EPHA5: variants seen among roughly 807,000 people sequenced by gnomAD.
The protein encoded by EPHA5 is ephrin type-A receptor 5.
EPHA5 carries 60 observed loss-of-function variants against 105.0 expected under a neutral mutation model. The observed-to-expected ratio is 0.57, with a 90% CI of 0.46 to 0.71. EPHA5 has a LOEUF of 0.71. Ranked by LOEUF, EPHA5 falls within the 30% of genes least tolerant of loss-of-function variation. EPHA5 has a pLI of 0.00. For missense variants in EPHA5, 1,218 were observed against 1,274.7 expected, an observed-to-expected ratio of 0.96 and a Z score of 0.68; for synonymous variants, 513 against 449.1, an observed-to-expected ratio of 1.14 and a Z score of -1.80.
At chr4:65,592,893 C>T (rs957455309) in intron 3 of EPHA5, among the ~76,000 whole-genome samples, 3 of 152,062 alleles carry the variant, frequency 2.0e-5, no homozygotes, top group African/African-American at 7.2e-5. Flanking sequence ...AAGAATTAGA[C>T]AAAATTTGGT....
intron 3 of EPHA5, among the ~76,000 whole-genome samples, chr4:65,585,602 A>G (rs745540311): frequency 4.9e-4 from 74 of 152,076 alleles, no homozygotes; most frequent in Non-Finnish European, 9.1e-4. Context: ...GTTTCCAAGA[A>G]CAAAGCAAGA....
chr4:65,411,625 G>A (rs747861258), intron 7 of EPHA5, among the ~76,000 whole-genome samples: 16 of 152,012 alleles, frequency 1.1e-4, no homozygotes, highest in Non-Finnish European at 1.5e-4. Context: ...ATAGCTTAAC[G>A]AGGAAAAATA....
chr4:65,411,771 ATTAAT>A (rs1397994427), intron 7 of EPHA5, among the ~76,000 whole-genome samples: 1 of 152,236 alleles, frequency 6.6e-6, no homozygotes, highest in African/African-American at 2.4e-5. Context: ...GGAAAAAAGT[ATTAAT>A]TTAATTATCA....
At chr4:65,570,417 T>A (rs1248334482) in intron 3 of EPHA5, among the ~76,000 whole-genome samples, 3 of 148,322 alleles carry the variant, frequency 2.0e-5, no homozygotes, top group Non-Finnish European at 4.5e-5. Context: ...TAAAGCTCTT[T>A]AGTGTGATGG....
At chr4:65,609,771 C>T (rs993953596) in intron 2 of EPHA5, among the ~76,000 whole-genome samples, 4 of 150,800 alleles carry the variant, frequency 2.7e-5, no homozygotes, top group African/African-American at 9.8e-5. Context: ...TCAAAAGTAG[C>T]ATATCAGATA....
Position 65,659,458 on chromosome 4 carries a change from A to G in EPHA5, c.181+10104T>C, listed in dbSNP as rs550995614. Among the ~76,000 whole-genome samples the G allele has an allele frequency of 3.9e-5, 6 of 152,010 alleles. 1 individual carries two copies. The South Asian group carries it at 1.2e-3, about 32-fold the overall frequency. On this transcript the variant is annotated intron_variant, in intron 1 of 16. Transcript: ENST00000613740. ...TGGGGATCTGGACAATGAAGAGAGA[A>G]GATGTTAATACGAGTTAAATTAGTG...
At chr4:65,376,731 T>A (rs1451463894) in intron 8 of EPHA5, among the ~76,000 whole-genome samples, 1 of 152,016 alleles carries the variant, frequency 6.6e-6, no homozygotes, top group East Asian at 1.9e-4. Flanking sequence ...TTAGAACATA[T>A]AACTATAATC....
intron 3 of EPHA5, among the ~76,000 whole-genome samples, chr4:65,521,180 G>T (rs535236098): frequency 1.3e-5 from 2 of 152,230 alleles, no homozygotes; most frequent in South Asian, 4.1e-4. Context: ...ATACACCATG[G>T]AATACTATGC....
intron 5 of EPHA5, among the ~76,000 whole-genome samples, chr4:65,429,758 AC>A (rs796848209): frequency 1.3e-5 from 2 of 152,014 alleles, no homozygotes; most frequent in South Asian, 2.1e-4. Flanking sequence ...CAGGACCACC[AC>A]ATCTTCTCTG....
intron 5 of EPHA5, among the ~76,000 whole-genome samples, chr4:65,468,142 A>G (rs1728898504): frequency 6.6e-6 from 1 of 152,300 alleles, no homozygotes; most frequent in East Asian, 1.9e-4. Flanking sequence ...AGCCATAGGG[A>G]ATAAATGTAG....
intron 3 of EPHA5, among the ~76,000 whole-genome samples, chr4:65,578,006 A>T (rs1183922887): frequency 4.6e-5 from 7 of 152,216 alleles, no homozygotes; most frequent in Admixed American, 3.9e-4. Context: ...ATATTTTCTG[A>T]ATAAGTGAAT....
At chr4:65,522,304 GTATATATATA>G (rs1475946732) in intron 3 of EPHA5, among the ~76,000 whole-genome samples, 1 of 101,806 alleles carries the variant, frequency 9.8e-6, no homozygotes, top group East Asian at 3.2e-4. Context: ...ATATGTGTGT[GTATATATATA>G]TGTATATATA....
intron 2 of EPHA5, among the ~76,000 whole-genome samples, chr4:65,631,064 C>T (rs937509369): frequency 3.9e-5 from 6 of 152,092 alleles, no homozygotes; most frequent in East Asian, 1.9e-4. Flanking sequence ...CATTGTACCC[C>T]TGCTCTTGGT....
chr4:65,431,751 C>A (rs1724999662), intron 5 of EPHA5, among the ~76,000 whole-genome samples: 1 of 152,116 alleles, frequency 6.6e-6, no homozygotes, highest in African/African-American at 2.4e-5. Context: ...TTAGATATCA[C>A]AGATAGAGAA....
At chr4:65,383,682 C>T (rs943817689) in intron 8 of EPHA5, among the ~76,000 whole-genome samples, 1 of 151,720 alleles carries the variant, frequency 6.6e-6, no homozygotes, top group Non-Finnish European at 1.5e-5. Flanking sequence ...ATAATATCTG[C>T]CAGTCTGAAG....
At chr4:65,465,350 C>T (rs975227958) in intron 5 of EPHA5, among the ~76,000 whole-genome samples, 6 of 151,742 alleles carry the variant, frequency 4.0e-5, no homozygotes, top group African/African-American at 1.2e-4. Flanking sequence ...CGCTTGAACC[C>T]AGGAGGCAGA....
At chr4:65,467,787 G>A (rs939489386) in intron 5 of EPHA5, among the ~76,000 whole-genome samples, 2 of 152,166 alleles carry the variant, frequency 1.3e-5, no homozygotes, top group Non-Finnish European at 2.9e-5. Context: ...TAGCAGACAG[G>A]AAAATTACCC....
intron 8 of EPHA5, among the ~76,000 whole-genome samples, chr4:65,377,329 GAATT>G (rs1719111270): frequency 6.6e-6 from 1 of 151,782 alleles, no homozygotes; most frequent in East Asian, 1.9e-4. Flanking sequence ...CAATATATTC[GAATT>G]AATTGTATGC....
At chr4:65,531,228 G>C (rs968671743) in intron 3 of EPHA5, among the ~76,000 whole-genome samples, 8 of 150,010 alleles carry the variant, frequency 5.3e-5, no homozygotes, top group African/African-American at 2.0e-4. Context: ...TAGTAGAGAC[G>C]GGGTTTCACC....
Sources: allele counts gnomAD v4.1 joint callset (sites outside exome capture counted in the v4.1 genomes callset), GRCh38; gene constraint gnomAD v4.1.1; transcripts MANE v1.5; gene names NCBI Gene and HGNC (gene_info 2026-07-23, HGNC 2026-07-21).